CATSPERE: variants seen among roughly 807,000 people sequenced by gnomAD.
CATSPERE encodes cation channel sperm-associated auxiliary subunit epsilon.
In CATSPERE, 93 loss-of-function variants were observed where a neutral mutation model predicts 114.1. That is an observed-to-expected ratio of 0.81 (90% CI 0.69 to 0.97). The LOEUF (loss-of-function observed/expected upper bound fraction) is 0.97, where lower values mean the gene tolerates loss of function less well. Among genes scored for constraint, CATSPERE ranks in the 50% least tolerant of loss-of-function variants. The probability of loss-of-function intolerance (pLI) is 0.00; values close to 1 mark genes in which losing one functional copy is unlikely to be tolerated. For missense variants in CATSPERE, 1,058 were observed against 1,131.6 expected, an observed-to-expected ratio of 0.93 and a Z score of 0.93; for synonymous variants, 341 against 384.1, an observed-to-expected ratio of 0.89 and a Z score of 1.31.
At position 244,561,045 on chromosome 1, in the gene CATSPERE, T is replaced by G; in HGVS notation, c.1407T>G (p.Cys469Trp). The G allele has an allele frequency of 1.2e-6, 2 of 1,612,558 alleles. No homozygotes were observed. Among genetic ancestry groups the G allele is most frequent in the Non-Finnish European group, 1.7e-6 (2 of 1,178,736 alleles). ...LLWNKHSIYY[C>W]YHNFTFTGIL... is the part of the protein sequence containing the mutation. ...GGAACAAGCATAGTATCTACTATTG[T>G]TACCATAATTTCACCTTTACTGGGA... The change falls in exon 10 of 22, where the codon TGT becomes TGG. Residue 469 changes from cysteine (C) to tryptophan (W), a missense_variant. By Grantham distance (215) the Cys-to-Trp change is radical. Transcript: ENST00000366534.
In CATSPERE at chr1:244,552,335, G is replaced by T. The variant is rs758557683; in HGVS notation, c.550G>T (p.Val184Leu). ...TTCTCTTCTTAGGACCTGGCGTATT[G>T]TAGTACCAATGACAAAAGATGATGC... is the stretch of plus-strand genomic sequence containing the variant. ...EKMRRGTWRIVVPMTKDDALK... is the reference protein window; with the variant it reads ...EKMRRGTWRILVPMTKDDALK... Residue 184 changes from valine to leucine, a missense_variant, in exon 9 of 22, where the codon GTA (valine) becomes TTA (leucine). This residue lies in a region of CATSPERE where 271 missense variants were observed against 225.9 expected (regional missense o/e 1.20). Coordinates refer to ENST00000366534, the MANE Select transcript of CATSPERE (RefSeq NM_001130957.2). The T allele has an allele frequency of 4.3e-6, 7 of 1,610,396 alleles. No homozygotes were observed. The South Asian group carries it at 7.8e-5, about 18-fold the overall frequency.
At position 244,481,837 on chromosome 1, in the gene CATSPERE, C is replaced by G. The variant is rs539267711; in HGVS notation, c.326+2053C>G. Among the ~76,000 whole-genome samples the G allele has an allele frequency of 5.3e-5, 8 of 152,282 alleles. No homozygotes were observed. The South Asian group carries it at 1.5e-3, about 28-fold the overall frequency. On this transcript the variant is annotated intron_variant, in intron 5 of 21. Transcript: ENST00000366534. ...CCTTGATCTTTGGACTTTGCAGCCT[C>G]CAGAACTATGAGAAATAAAGGTTTG...
upstream of CATSPERE, chr1:244,451,741 C>G (rs777703306): frequency 6.9e-6 from 11 of 1,605,724 alleles, no homozygotes; most frequent in Admixed American, 1.0e-4. The surrounding 1 kb of genome is among the most constrained non-coding windows in gnomAD (Gnocchi z 6.6). Context: ...CCGGTTTCCT[C>G]CGGGCCGCGC....
intron 12 of CATSPERE, among the ~76,000 whole-genome samples, chr1:244,583,103 T>C (rs1666477018): frequency 6.6e-6 from 1 of 152,116 alleles, no homozygotes; most frequent in Admixed American, 6.5e-5. Flanking sequence ...CTCCTAATGG[T>C]CTAGGTTCCT....
At chr1:244,582,989 G>A (rs898771514) in intron 12 of CATSPERE, among the ~76,000 whole-genome samples, 2 of 141,234 alleles carry the variant, frequency 1.4e-5, no homozygotes, top group Admixed American at 7.1e-5. Context: ...ATCAGTGACA[G>A]AGACTGATCA....
At chr1:244,622,948 C>G (rs529042685) in intron 20 of CATSPERE, among the ~76,000 whole-genome samples, 7 of 152,036 alleles carry the variant, frequency 4.6e-5, no homozygotes, top group African/African-American at 1.7e-4. Context: ...CAAAAGTGTC[C>G]TAGGTAGCCA....
At chr1:244,600,528 T>C (rs913993018) in intron 17 of CATSPERE, among the ~76,000 whole-genome samples, 3 of 152,206 alleles carry the variant, frequency 2.0e-5, no homozygotes, top group African/African-American at 4.8e-5. Context: ...TCTGAACTTA[T>C]ACCTAATAGG....
At chr1:244,464,034 T>A in intron 2 of CATSPERE, 78 bp downstream of exon 2, 1 of 1,049,844 alleles carries the variant, frequency 9.5e-7, no homozygotes, top group Non-Finnish European at 1.5e-6. Context: ...GAGTTAATCA[T>A]ATTGAGTTTT....
At position 244,640,051 on chromosome 1, in the gene CATSPERE, C is replaced by T; in HGVS notation, c.2826C>T (p.His942=). The change falls in exon 22 of 22, where the codon CAC becomes CAT. Residue 942 remains histidine, a synonymous_variant. Coordinates refer to ENST00000366534, the MANE Select transcript of CATSPERE (RefSeq NM_001130957.2). The part of the protein sequence containing the change: ...IYRRYIYEPL[H]KPQRKRKKN The stretch of plus-strand genomic sequence containing the variant: ...GACGATATATTTATGAACCACTTCA[C>T]AAACCTCAAAGAAAACGTAAGAAGA... The T allele has an allele frequency of 6.5e-7, 1 of 1,549,494 alleles. No individual in the cohort carries two copies.
rs35736130 is a variant in CATSPERE, at chr1:244,625,406, T to TTA, written c.2648+7746_2648+7747dup. On this transcript the variant is annotated intron_variant, in intron 20 of 21. Transcript: ENST00000366534. The stretch of plus-strand genomic sequence containing the variant: ...TTATTTTTATTATTATTATTATTAT[T>TTA]TATATATATATATATATATATATAT... Among the ~76,000 whole-genome samples the TTA allele has an allele frequency of 1.9e-3, 24 of 12,876 alleles. 1 individual carries two copies. Among genetic ancestry groups the TTA allele is most frequent in the Middle Eastern group, 0.021 (1 of 48 alleles). The allele number at this position is 12,876 out of a possible 152,430, so 8.4% of individuals were successfully genotyped here.
At chr1:244,470,178 T>C (rs1263891496) in intron 2 of CATSPERE, among the ~76,000 whole-genome samples, 1 of 152,132 alleles carries the variant, frequency 6.6e-6, no homozygotes, top group East Asian at 1.9e-4. Context: ...AAAAAATAGA[T>C]AAATTGGACA....
chr1:244,569,109 G>C (rs1341405321), intron 10 of CATSPERE, among the ~76,000 whole-genome samples: 1 of 149,700 alleles, frequency 6.7e-6, no homozygotes, highest in Non-Finnish European at 1.5e-5. Flanking sequence ...TTGGCTAGGG[G>C]AGGGATACCA....
At position 244,516,523 on chromosome 1, in the gene CATSPERE, TG is replaced by T. The variant is rs1301638939; in HGVS notation, c.430-2068del. ...CCACCGTGCCATGCTAAAAGGGTTT[TG>T]TTTTTTTTTTTCTTTTGGAGACGGA... On this transcript the variant is annotated intron_variant, in intron 7 of 21. Coordinates refer to ENST00000366534, the MANE Select transcript of CATSPERE (RefSeq NM_001130957.2). 2.6e-5 allele frequency among the ~76,000 whole-genome samples: 4 copies of T among 151,750 alleles called. No homozygotes were observed. The East Asian group carries it at 5.8e-4, about 22-fold the overall frequency.
intron 8 of CATSPERE, among the ~76,000 whole-genome samples, chr1:244,537,677 T>C (rs10927245): frequency 0.12 from 18,743 of 152,230 alleles, 1,950 homozygotes; most frequent in African/African-American, 0.28. Context: ...TTTATGTGAA[T>C]TTGACTTCTA....
At chr1:244,454,901 T>A (rs1665992058) in intron 1 of CATSPERE, among the ~76,000 whole-genome samples, 1 of 152,146 alleles carries the variant, frequency 6.6e-6, no homozygotes, top group Non-Finnish European at 1.5e-5. Context: ...TACAGGTCCC[T>A]GAAGCCAATA....
intron 20 of CATSPERE, among the ~76,000 whole-genome samples, chr1:244,621,215 A>AGC (rs1672257052): frequency 8.2e-4 from 1 of 1,224 alleles, no homozygotes; most frequent in Non-Finnish European, 1.6e-3. Flanking sequence ...ATATTTATAT[A>AGC]TATATTTATA....
intron 17 of CATSPERE, among the ~76,000 whole-genome samples, chr1:244,599,839 T>C (rs976927067): frequency 6.6e-6 from 1 of 152,086 alleles, no homozygotes; most frequent in Non-Finnish European, 1.5e-5. Flanking sequence ...GCAAAATCAA[T>C]GAGAAGTTTA....
chr1:244,639,755 G>A (rs1675130223), intron 21 of CATSPERE, among the ~76,000 whole-genome samples, 173 bp from the exon 22 acceptor site: 1 of 151,092 alleles, frequency 6.6e-6, no homozygotes, highest in Non-Finnish European at 1.5e-5. Context: ...TTTCCTCCCT[G>A]TCAGCCTCAA....
chr1:244,466,760 A>G lies in CATSPERE; in HGVS notation c.114+2804A>G, dbSNP rs1665809800. On this transcript the variant is annotated intron_variant, in intron 2 of 21. Transcript: ENST00000366534. ...CAATAGTCAAAAAGTTGCTGTTGCCACCAGAGATCAGGACCTGGAGGAAAT... is the reference window on the plus strand; with the variant it reads ...CAATAGTCAAAAAGTTGCTGTTGCCGCCAGAGATCAGGACCTGGAGGAAAT... 2.6e-5 allele frequency among the ~76,000 whole-genome samples: 4 copies of G among 152,180 alleles called. No individual in the cohort carries two copies. The South Asian group carries it at 8.3e-4, about 32-fold the overall frequency.
Sources: gnomAD v4.1 joint callset for allele counts (sites outside exome capture counted in the v4.1 genomes callset) on GRCh38, gnomAD v4.1.1 for gene constraint, gnomAD v4.1.1 regional missense constraint, Gnocchi (gnomAD v3.1) non-coding constraint, MANE v1.5 for transcripts, NCBI Gene and HGNC (gene_info 2026-07-23, HGNC 2026-07-21) for gene names.